The following AHCTF1 variants were observed in gnomAD, a reference collection of about 807,000 sequenced individuals.
The protein encoded by AHCTF1 is AT-hook containing transcription factor 1.
A neutral mutation model predicts 248.4 loss-of-function variants in AHCTF1; 24 were observed. The ratio of observed to expected loss-of-function variants is 0.10; its 90% confidence interval spans 0.07 to 0.14. The LOEUF (loss-of-function observed/expected upper bound fraction) is 0.14. Among genes scored for constraint, AHCTF1 ranks in the 10% least tolerant of loss-of-function variants. AHCTF1 has a pLI of 1.00. For synonymous variants in AHCTF1, 786 were observed against 929.8 expected (o/e 0.85, Z 2.81); for missense variants, 2,206 against 2,636.2 (o/e 0.84, Z 3.57).
At chr1:246,910,927 T>A (rs775516508) in intron 4 of AHCTF1, among the ~76,000 whole-genome samples, 15 of 152,228 alleles carry the variant, frequency 9.9e-5, no homozygotes, top group Non-Finnish European at 1.9e-4. Flanking sequence ...AGAACAATAT[T>A]TATGCTGTAT....
In AHCTF1 at chr1:246,898,191, G is replaced by A. The variant is rs1416156784; in HGVS notation, c.1623+17C>T. On this transcript the variant is annotated intron_variant, in intron 12 of 35. Coordinates refer to ENST00000648844, the MANE Select transcript of AHCTF1 (RefSeq NM_001323342.2). The stretch of plus-strand genomic sequence containing the variant: ...TGATCCAACCAAAAGAAACAATAGA[G>A]TTAAAAATCATCTCACTTGGCTTAA... 6.2e-7 allele frequency: 1 copy of A among 1,611,276 alleles called. No homozygotes were observed. The highest frequency in any genetic ancestry group is 8.5e-7 in the Non-Finnish European group (1 of 1,179,740).
intron 33 of AHCTF1, among the ~76,000 whole-genome samples, chr1:246,845,746 T>C (rs1459399951): frequency 2.0e-5 from 3 of 152,188 alleles, no homozygotes; most frequent in African/African-American, 7.2e-5. Flanking sequence ...GTTTTGAGGA[T>C]TAAGGAGTTC....
intron 2 of AHCTF1, 43 bp from the exon 3 acceptor site, chr1:246,916,438 C>T (rs754040479): frequency 2.3e-5 from 36 of 1,533,166 alleles, no homozygotes; most frequent in Non-Finnish European, 3.0e-5. Context: ...TGTATATACA[C>T]AAAACATGCA....
chr1:246,887,655 C>G (rs1352501179), intron 19 of AHCTF1, among the ~76,000 whole-genome samples: 4 of 152,124 alleles, frequency 2.6e-5, no homozygotes, highest in African/African-American at 9.7e-5. Flanking sequence ...AAGATATACG[C>G]AAATTTCTAA....
Position 246,849,804 on chromosome 1 carries a change from G to A in AHCTF1, c.6202C>T (p.Arg2068Cys), listed in dbSNP as rs527553101. ...KRSLHSVSEERTDEMTHKETN... is the reference protein window; with the variant it reads ...KRSLHSVSEECTDEMTHKETN... ...TCTTTATGTGTCATTTCATCTGTGCGTTCTTCTGATACTGAGTGCAATGAA... is the reference window on the plus strand; with the variant it reads ...TCTTTATGTGTCATTTCATCTGTGCATTCTTCTGATACTGAGTGCAATGAA... Residue 2068 changes from arginine (R) to cysteine (C), a missense_variant, in exon 33 of 36, where the codon CGC (arginine) becomes TGC (cysteine). Coordinates refer to ENST00000648844, the MANE Select transcript of AHCTF1 (RefSeq NM_001323342.2). The A allele has an allele frequency of 7.9e-5, 127 of 1,613,956 alleles. No individual in the cohort carries two copies. Among genetic ancestry groups the A allele is most frequent in the Admixed American group, 2.5e-4 (15 of 60,020 alleles).
chr1:246,859,849 C>T (rs1469609048), intron 29 of AHCTF1, among the ~76,000 whole-genome samples: 2 of 152,146 alleles, frequency 1.3e-5, no homozygotes, highest in Non-Finnish European at 1.5e-5. Flanking sequence ...CCACTTTACC[C>T]AGCCTGAACA....
Position 246,931,778 on chromosome 1 carries a change from G to A in AHCTF1, c.-208C>T, listed in dbSNP as rs1422191623. 3 of 152,772 alleles carry A rather than the reference G, an allele frequency of 2.0e-5. No individual in the cohort carries two copies. Among genetic ancestry groups the A allele is most frequent in the African/African-American group, 7.2e-5 (3 of 41,446 alleles). 9.5% of individuals were successfully genotyped at this position (152,772 alleles called of 1,614,324 possible). ...CTGCGACCTCCCCGGCCACCTCAGA[G>A]CCACACGCCCCCGAGAGTGCCTTCG... is the stretch of plus-strand genomic sequence containing the variant. On this transcript the variant is annotated 5_prime_UTR_variant, in exon 1 of 36. Coordinates refer to ENST00000648844, the MANE Select transcript of AHCTF1 (RefSeq NM_001323342.2).
At chr1:246,880,307 G>T (rs898969001) in intron 21 of AHCTF1, among the ~76,000 whole-genome samples, 1 of 151,824 alleles carries the variant, frequency 6.6e-6, no homozygotes, top group African/African-American at 2.4e-5. Flanking sequence ...GCTCACGCCT[G>T]TAATCCCAGC....
chr1:246,858,257 C>G (rs79369288), intron 29 of AHCTF1, among the ~76,000 whole-genome samples: 27,595 of 152,058 alleles, frequency 0.18, 4,225 homozygotes, highest in African/African-American at 0.42. Flanking sequence ...CTGCACCCGG[C>G]CAACACCTTC....
intron 7 of AHCTF1, among the ~76,000 whole-genome samples, chr1:246,903,298 T>C (rs1466132168): frequency 2.6e-5 from 4 of 152,166 alleles, no homozygotes; most frequent in Non-Finnish European, 5.9e-5. Context: ...CAGACGCGTA[T>C]GTCCTCTTAT....
chr1:246,863,229 G>A (rs560680848), intron 27 of AHCTF1, among the ~76,000 whole-genome samples: 1 of 151,962 alleles, frequency 6.6e-6, no homozygotes, highest in South Asian at 2.1e-4. Flanking sequence ...TATTCAACTT[G>A]AAAAATAAGG....
chr1:246,869,109 G>A (rs1439615773), intron 24 of AHCTF1, among the ~76,000 whole-genome samples: 1 of 150,912 alleles, frequency 6.6e-6, no homozygotes, highest in African/African-American at 2.5e-5. Flanking sequence ...CTCCCAAAGT[G>A]CTGGATTACA....
intron 1 of AHCTF1, among the ~76,000 whole-genome samples, chr1:246,920,494 G>A (rs766481808): frequency 1.3e-5 from 2 of 152,116 alleles, no homozygotes; most frequent in East Asian, 1.9e-4. Flanking sequence ...TAAACCAGCC[G>A]GGCGTGGTGG....
At chr1:246,872,035 G>A (rs1422215844) in intron 24 of AHCTF1, among the ~76,000 whole-genome samples, 7 of 99,754 alleles carry the variant, frequency 7.0e-5, no homozygotes, top group Admixed American at 2.4e-4. Flanking sequence ...GATTCAGAAA[G>A]ATGAACTATT....
chr1:246,909,079 A>ATATCTATCTATCTATC lies in AHCTF1; in HGVS notation c.557-1337_557-1322dup, dbSNP rs10657928. 2.0e-3 allele frequency among the ~76,000 whole-genome samples: 280 copies of ATATCTATCTATCTATC among 143,282 alleles called. 1 individual carries two copies. Among genetic ancestry groups the ATATCTATCTATCTATC allele is most frequent in the African/African-American group, 2.5e-3 (97 of 38,476 alleles). The allele number at this position is 143,282 out of a possible 152,430, so 94.0% of individuals were successfully genotyped here. A position where few individuals can be genotyped will look rare whatever the true frequency, so the allele number is the denominator to read the frequency against. On this transcript the variant is annotated intron_variant, in intron 4 of 35. Coordinates refer to ENST00000648844, the MANE Select transcript of AHCTF1 (RefSeq NM_001323342.2). Reference sequence around the variant, plus strand: ...GATAATTCTATATCTATATATATCTATATCTATCTATCTATCTATCTATCT... The same window carrying ATATCTATCTATCTATC: ...GATAATTCTATATCTATATATATCTATATCTATCTATCTATCTATCTATCTATCTATCTATCTATCT...
chr1:246,900,289 C>A, intron 9 of AHCTF1, 43 bp from the exon 10 acceptor site: 1 of 1,584,926 alleles, frequency 6.3e-7, no homozygotes, highest in Non-Finnish European at 8.5e-7. Context: ...TGGTCAGCTA[C>A]ACATACAAAT....
At chr1:246,913,474 ATAAATT>A (rs1665944646) in intron 3 of AHCTF1, 62 bp from the exon 4 acceptor site, 1 of 1,492,206 alleles carries the variant, frequency 6.7e-7, no homozygotes, top group South Asian at 1.3e-5. Context: ...AATTAACACA[ATAAATT>A]TAAGTTAAAG....
intron 21 of AHCTF1, among the ~76,000 whole-genome samples, chr1:246,877,784 T>C (rs1213690532): frequency 6.6e-6 from 1 of 152,148 alleles, no homozygotes; most frequent in Non-Finnish European, 1.5e-5. Flanking sequence ...GAACCTGAGT[T>C]AAATTTGGCA....
chr1:246,861,387 C>A, intron 28 of AHCTF1, 92 bp from the exon 29 acceptor site: 2 of 1,193,526 alleles, frequency 1.7e-6, no homozygotes, highest in Non-Finnish European at 2.3e-6. Context: ...CCCATACTTT[C>A]TTTGTTGTTT....
Sources: allele counts gnomAD v4.1 joint callset (sites outside exome capture counted in the v4.1 genomes callset), GRCh38; gene constraint gnomAD v4.1.1; transcripts MANE v1.5; gene names NCBI Gene and HGNC (gene_info 2026-07-23, HGNC 2026-07-21).